CSTF1: variants seen among roughly 807,000 people sequenced by gnomAD.
CSTF1 encodes CF-1 50 kDa subunit.
CSTF1 carries 2 observed loss-of-function variants against 40.9 expected under a neutral mutation model. The observed-to-expected ratio is 0.05, with a 90% CI of 0.02 to 0.15. The LOEUF (loss-of-function observed/expected upper bound fraction) is 0.15. Among genes scored for constraint, CSTF1 ranks in the 10% least tolerant of loss-of-function variants. The pLI is 1.00. For missense variants in CSTF1, 279 were observed against 558.9 expected (o/e 0.50, Z 5.05); for synonymous variants, 218 against 207.2 (o/e 1.05, Z -0.45).
In CSTF1 at chr20:56,397,575, A is replaced by G. The variant is rs913387019; in HGVS notation, c.448-69A>G. 1.3e-6 allele frequency: 2 copies of G among 1,597,438 alleles called. No individual in the cohort carries two copies. The highest frequency in any genetic ancestry group is 1.7e-6 in the Non-Finnish European group (2 of 1,166,326). ...TGGTTGAAACCAGCTTTAGTTTGCTACAGTTGTGGATTGTGCACTTGGATT... is the reference window on the plus strand; with the variant it reads ...TGGTTGAAACCAGCTTTAGTTTGCTGCAGTTGTGGATTGTGCACTTGGATT... On this transcript the variant is annotated intron_variant, in intron 3 of 5. Coordinates refer to ENST00000217109, the MANE Select transcript of CSTF1 (RefSeq NM_001324.3). This position sits in a 1 kb window ranked among gnomAD's most constrained non-coding sequence, Gnocchi z 4.4.
Position 56,404,022 on chromosome 20 carries a change from A to G in CSTF1, c.*295A>G. 1 of 307,198 alleles carries G rather than the reference A, an allele frequency of 3.3e-6. No individual in the cohort carries two copies. The highest frequency in any genetic ancestry group is 9.6e-4 in the Middle Eastern group (1 of 1,038). 19.0% of individuals were successfully genotyped at this position (307,198 alleles called of 1,614,324 possible). On this transcript the variant is annotated 3_prime_UTR_variant, in exon 6 of 6. Transcript: ENST00000217109. ...CTTTTGATCTCTTGATTGAAGGAGG[A>G]TAGGGCATTAAAGTGCTTTTGACAT...
At chr20:56,394,450 G>A (rs1038342253) in intron 1 of CSTF1, among the ~76,000 whole-genome samples, 1 of 152,216 alleles carries the variant, frequency 6.6e-6, no homozygotes, top group Admixed American at 6.5e-5. Context: ...AGCCTGGTGT[G>A]GTGGCGGGCG....
chr20:56,403,332 A>T, intron 5 of CSTF1, 136 bp from the exon 6 acceptor site: 3 of 1,051,664 alleles, frequency 2.9e-6, no homozygotes, highest in African/African-American at 3.2e-5. Flanking sequence ...TCTTTTTTGT[A>T]CTTTTTTAGA....
At chr20:56,393,607 A>G (rs1471492596) in intron 1 of CSTF1, among the ~76,000 whole-genome samples, 1 of 130,170 alleles carries the variant, frequency 7.7e-6, no homozygotes, top group Admixed American at 9.5e-5. Flanking sequence ...TAAAGCCTAC[A>G]TGGCATCCTG....
rs1006141951 is a variant in CSTF1 at position 56,405,296 on chromosome 20, A to C, written c.*1569A>C. The stretch of plus-strand genomic sequence containing the variant: ...ATCTCGGCTCACCGCAGCCTCCGCC[A>C]CCTGGGTTCAAACGATTCTCCTGCC... On this transcript the variant is annotated 3_prime_UTR_variant, in exon 6 of 6. Coordinates refer to ENST00000217109, the MANE Select transcript of CSTF1 (RefSeq NM_001324.3). 6.6e-6 allele frequency: 1 copy of C among 151,824 alleles called. No individual in the cohort carries two copies. Among genetic ancestry groups the C allele is most frequent in the Non-Finnish European group, 1.5e-5 (1 of 67,958 alleles). The allele number at this position is 151,824 out of a possible 1,614,324, so 9.4% of individuals were successfully genotyped here.
intron 2 of CSTF1, among the ~76,000 whole-genome samples, chr20:56,396,318 T>C (rs920473825): frequency 1.3e-5 from 2 of 152,224 alleles, no homozygotes; most frequent in African/African-American, 4.8e-5. Flanking sequence ...GTTAATACCC[T>C]TTGACTTGGC....
chr20:56,404,023 T>C lies in CSTF1; in HGVS notation c.*296T>C, dbSNP rs1416213659. On this transcript the variant is annotated 3_prime_UTR_variant, in exon 6 of 6. Transcript: ENST00000217109. ...TTTTGATCTCTTGATTGAAGGAGGATAGGGCATTAAAGTGCTTTTGACATG... is the reference window on the plus strand; with the variant it reads ...TTTTGATCTCTTGATTGAAGGAGGACAGGGCATTAAAGTGCTTTTGACATG... 1.3e-5 allele frequency: 4 copies of C among 303,594 alleles called. No homozygotes were observed. The highest frequency in any genetic ancestry group is 2.5e-5 in the Non-Finnish European group (4 of 161,966). 18.8% of individuals were successfully genotyped at this position (303,594 alleles called of 1,614,324 possible). A position where few individuals can be genotyped will look rare whatever the true frequency, so the allele number is the denominator to read the frequency against.
At chr20:56,392,404 C>T (rs34579616), upstream of CSTF1, 2 of 152,334 alleles carry the variant, frequency 1.3e-5, no homozygotes, top group African/African-American at 2.4e-5. Context: ...AACGGCCAGC[C>T]AGACCTGTGG....
At chr20:56,392,867 C>T (rs1248630625) in intron 1 of CSTF1, 154 bp downstream of exon 1, 1 of 152,176 alleles carries the variant, frequency 6.6e-6, no homozygotes, top group African/African-American at 2.4e-5. Flanking sequence ...TTGGCCTGCA[C>T]CCCTTCCTCT....
rs1199777348 is a variant in CSTF1, at chr20:56,403,616, G to A, written c.1185G>A (p.Gly395=). ...TAERRNLLSL[G]HNNIVRCIVH... ...AGCGGAGAAACCTGCTGTCGTTGGG[G>A]CACAACAATATTGTACGCTGCATAG... Residue 395 remains glycine, a synonymous_variant, in exon 6 of 6, where the codon GGG becomes GGA. Coordinates refer to ENST00000217109, the MANE Select transcript of CSTF1 (RefSeq NM_001324.3). 2 of 1,614,096 alleles carry A rather than the reference G, an allele frequency of 1.2e-6. No individual in the cohort carries two copies. Among genetic ancestry groups the A allele is most frequent in the Non-Finnish European group, 1.7e-6 (2 of 1,180,020 alleles).
chr20:56,395,568 G>A lies in CSTF1; in HGVS notation c.16G>A (p.Val6Met), dbSNP rs1374418332. The A allele has an allele frequency of 6.2e-7, 1 of 1,613,840 alleles. No homozygotes were observed. Among genetic ancestry groups the A allele is most frequent in the Non-Finnish European group, 8.5e-7 (1 of 1,179,972 alleles). Residue 6 changes from valine to methionine, a missense_variant, in exon 2 of 6, where the codon GTG becomes ATG. Transcript: ENST00000217109. MYRTK[V>M]GLKDRQQLYK... ...TTTCTCCAAGATGTACAGAACCAAAGTGGGCTTGAAGGACCGCCAGCAGCT... is the reference window on the plus strand; with the variant it reads ...TTTCTCCAAGATGTACAGAACCAAAATGGGCTTGAAGGACCGCCAGCAGCT...
chr20:56,403,303 A>G (rs987657531), intron 5 of CSTF1, among the ~76,000 whole-genome samples, 165 bp from the exon 6 acceptor site: 5 of 152,036 alleles, frequency 3.3e-5, no homozygotes, highest in African/African-American at 1.2e-4. Context: ...GACGTGAGCC[A>G]CTGTGCCTGG....
intron 5 of CSTF1, among the ~76,000 whole-genome samples, chr20:56,402,306 CAAA>C (rs768794348): frequency 5.7e-5 from 7 of 122,582 alleles, no homozygotes; most frequent in Non-Finnish European, 5.3e-5. Flanking sequence ...GACTCTATCT[CAAA>C]AAAAAAAAAA....
At chr20:56,398,876 A>T (rs1978337563) in intron 4 of CSTF1, 91 bp from the exon 5 acceptor site, 1 of 1,222,452 alleles carries the variant, frequency 8.2e-7, no homozygotes, top group Non-Finnish European at 1.1e-6. Flanking sequence ...TGTTTTATAG[A>T]TTCTTTTCAT....
rs1278538693 is a variant in CSTF1, at chr20:56,393,744, ATCT to A, written c.-33+1035_-33+1037del. ...GTTTGTTATGCAGACAGAATAGGTG[ATCT>A]TCTGGGTGGTGTCAGCCTCTAATCT... On this transcript the variant is annotated intron_variant, in intron 1 of 5. Transcript: ENST00000217109. 2.0e-5 allele frequency among the ~76,000 whole-genome samples: 3 copies of A among 151,944 alleles called. No homozygotes were observed. The East Asian group carries it at 5.8e-4, about 29-fold the overall frequency.
chr20:56,405,992 G>T lies in CSTF1; in HGVS notation c.*2265G>T, dbSNP rs1359785164. 2.0e-5 allele frequency: 3 copies of T among 152,162 alleles called. No individual in the cohort carries two copies. Among genetic ancestry groups the T allele is most frequent in the African/African-American group, 7.2e-5 (3 of 41,432 alleles). 9.4% of individuals were successfully genotyped at this position (152,162 alleles called of 1,614,324 possible). On this transcript the variant is annotated 3_prime_UTR_variant, in exon 6 of 6. Transcript: ENST00000217109. ...TCAGTTGTTCACGAATTAAAATAATGCCCATGTTTTACAGTTTTTCGAGTA... is the reference window on the plus strand; with the variant it reads ...TCAGTTGTTCACGAATTAAAATAATTCCCATGTTTTACAGTTTTTCGAGTA...
intron 1 of CSTF1, 64 bp from the exon 2 acceptor site, chr20:56,395,457 C>T: frequency 9.6e-7 from 1 of 1,036,860 alleles, no homozygotes; most frequent in Non-Finnish European, 1.4e-6. Context: ...ACCAAAGAGT[C>T]CTATGTTGCT....
In CSTF1 at chr20:56,403,512, T is replaced by C. The variant is rs1379390460; in HGVS notation, c.1081T>C (p.Phe361Leu). 2 of 1,614,098 alleles carry C rather than the reference T, an allele frequency of 1.2e-6. No individual in the cohort carries two copies. Among genetic ancestry groups the C allele is most frequent in the Admixed American group, 3.3e-5 (2 of 60,018 alleles). Residue 361 changes from phenylalanine to leucine, a missense_variant, in exon 6 of 6, where the codon TTT (phenylalanine) becomes CTT (leucine). By Grantham distance (22) the Phe-to-Leu change is conservative. Around this residue, in one of 4 missense-constraint regions of CSTF1, gnomAD observed 162 missense variants for 337.1 expected, o/e 0.48. Coordinates refer to ENST00000217109, the MANE Select transcript of CSTF1 (RefSeq NM_001324.3). ...GRQVHRTQAV[F>L]NHTEDYVLLP... ...CCAGGTGCACCGGACACAGGCTGTG[T>C]TTAACCACACCGAGGACTATGTGTT...
chr20:56,393,868 C>T (rs757733696), intron 1 of CSTF1, among the ~76,000 whole-genome samples: 1 of 152,118 alleles, frequency 6.6e-6, no homozygotes, highest in Non-Finnish European at 1.5e-5. Context: ...AAGGAAAGCA[C>T]AGGGAAAGCC....
Sources: gnomAD v4.1 joint callset for allele counts (sites outside exome capture counted in the v4.1 genomes callset) on GRCh38, gnomAD v4.1.1 for gene constraint, gnomAD v4.1.1 regional missense constraint, Gnocchi (gnomAD v3.1) non-coding constraint, MANE v1.5 for transcripts, NCBI Gene and HGNC (gene_info 2026-07-23, HGNC 2026-07-21) for gene names.